The following KIF13B variants were observed in gnomAD, a reference collection of about 807,000 sequenced individuals.
KIF13B encodes the protein kinesin-like protein KIF13B.
A neutral mutation model predicts 222.0 loss-of-function variants in KIF13B; 127 were observed. That is an observed-to-expected ratio of 0.57 (90% CI 0.50 to 0.66). The LOEUF is 0.66. Ranked by LOEUF, KIF13B falls within the 30% of genes least tolerant of loss-of-function variation. The pLI, the probability that KIF13B is intolerant of heterozygous loss-of-function variation, is 0.00. For synonymous variants in KIF13B, 976 were observed against 919.0 expected (o/e 1.06, Z -1.12); for missense variants, 2,173 against 2,379.0 (o/e 0.91, Z 1.80).
At chr8:29,260,687 G>A (rs1816648387) in intron 1 of KIF13B, among the ~76,000 whole-genome samples, 1 of 151,856 alleles carries the variant, frequency 6.6e-6, no homozygotes, top group South Asian at 2.1e-4. Flanking sequence ...CACGATCTTG[G>A]CTCACTGCAA....
intron 12 of KIF13B, among the ~76,000 whole-genome samples, chr8:29,162,398 T>A (rs1042089439): frequency 6.6e-6 from 1 of 152,218 alleles, no homozygotes; most frequent in African/African-American, 2.4e-5. Flanking sequence ...TCCTGGGTCT[T>A]CAAATCAAGT....
chr8:29,164,053 C>T (rs182358578), intron 12 of KIF13B, among the ~76,000 whole-genome samples: 38 of 152,312 alleles, frequency 2.5e-4, no homozygotes, highest in African/African-American at 8.7e-4. Flanking sequence ...AAAAACAACA[C>T]TGGCCATATG....
intron 22 of KIF13B, 122 bp downstream of exon 22, chr8:29,133,918 A>C (rs978563435): frequency 3.2e-6 from 3 of 927,806 alleles, no homozygotes; most frequent in Non-Finnish European, 4.8e-6. Context: ...CAATCCCCAC[A>C]CTCTACAGAA....
At chr8:29,078,417 T>C (rs934337045) in intron 37 of KIF13B, among the ~76,000 whole-genome samples, 2 of 152,182 alleles carry the variant, frequency 1.3e-5, no homozygotes, top group Non-Finnish European at 1.5e-5. Context: ...AGCAACCTTT[T>C]TAAGGATGCC....
At chr8:29,252,021 G>A (rs1490551740) in intron 1 of KIF13B, among the ~76,000 whole-genome samples, 1 of 151,256 alleles carries the variant, frequency 6.6e-6, no homozygotes. Flanking sequence ...GGAAAAAAAA[G>A]GAAAAAGGAA....
At chr8:29,173,698 C>G (rs1316311286) in intron 10 of KIF13B, among the ~76,000 whole-genome samples, 1 of 151,780 alleles carries the variant, frequency 6.6e-6, no homozygotes, top group Non-Finnish European at 1.5e-5. Flanking sequence ...AATCCCGGCA[C>G]TTCAGGAGGC....
At chr8:29,211,450 G>T (rs1427148856) in intron 2 of KIF13B, among the ~76,000 whole-genome samples, 1 of 152,226 alleles carries the variant, frequency 6.6e-6, no homozygotes, top group African/African-American at 2.4e-5. Context: ...CCTGGCCCAG[G>T]CCAGAGCCTG....
intron 1 of KIF13B, among the ~76,000 whole-genome samples, chr8:29,253,619 A>T (rs1816360910): frequency 1.3e-5 from 2 of 151,978 alleles, no homozygotes; most frequent in African/African-American, 2.4e-5. Flanking sequence ...ACAGGTATTT[A>T]AAAAACTCAT....
chr8:29,076,249 G>A (rs529846833), intron 37 of KIF13B, among the ~76,000 whole-genome samples: 141 of 152,218 alleles, frequency 9.3e-4, no homozygotes, highest in African/African-American at 3.2e-3. Context: ...CCCCCTACCC[G>A]ACTGCAGGAA....
Position 29,262,466 on chromosome 8 carries a change from C to T in KIF13B, c.55+514G>A, listed in dbSNP as rs572349094. Among the ~76,000 whole-genome samples the T allele has an allele frequency of 4.8e-3, 737 of 152,302 alleles. 5 individuals are homozygous for T. The highest frequency in any genetic ancestry group is 0.017 in the African/African-American group (692 of 41,578). On this transcript the variant is annotated intron_variant, in intron 1 of 39. Coordinates refer to ENST00000524189, the MANE Select transcript of KIF13B (RefSeq NM_015254.4). ...CGCCGCGGGGCACCCGCCTGGCCCC[C>T]TGCCCTTCTTCCCGCCGCGGGCCAA...
intron 2 of KIF13B, among the ~76,000 whole-genome samples, chr8:29,208,422 A>C (rs975295490): frequency 1.3e-5 from 2 of 152,218 alleles, no homozygotes; most frequent in African/African-American, 4.8e-5. Flanking sequence ...AATAAAATGA[A>C]ATCTGTGGTC....
chr8:29,170,279 T>A (rs1423249322), intron 10 of KIF13B, among the ~76,000 whole-genome samples: 1 of 152,214 alleles, frequency 6.6e-6, no homozygotes, highest in Non-Finnish European at 1.5e-5. Flanking sequence ...TGAAGACATA[T>A]AATCCAATTA....
intron 6 of KIF13B, among the ~76,000 whole-genome samples, chr8:29,185,287 C>T (rs1478939363): frequency 2.0e-5 from 3 of 152,214 alleles, no homozygotes; most frequent in Non-Finnish European, 2.9e-5. Flanking sequence ...ACTCTGGAAT[C>T]TTCCCTTCTC....
Position 29,118,949 on chromosome 8 carries a change from A to G in KIF13B, c.3579T>C (p.Ala1193=). 1.9e-6 allele frequency: 3 copies of G among 1,613,952 alleles called. No individual in the cohort carries two copies. Among genetic ancestry groups the G allele is most frequent in the Non-Finnish European group, 2.5e-6 (3 of 1,179,836 alleles). ...SSQDNLDDPE[A]GGWDATLTGE... ...CAGTCAAGGTCGCATCCCATCCACC[A>G]GCTTCTGGGTCATCAAGATTATCCT... The change falls in exon 30 of 40, where the codon GCT becomes GCC. Residue 1193 remains alanine, a synonymous_variant. Transcript: ENST00000524189.
chr8:29,067,969 T>C lies in KIF13B; in HGVS notation c.*2535A>G, dbSNP rs1189162137. On this transcript the variant is annotated 3_prime_UTR_variant, in exon 40 of 40. Transcript: ENST00000524189. ...CTGGACGCAGTGCCCGGGGCAGAAG[T>C]GAGCCTTCTCACCCTGGAGCCTCAG... The C allele has an allele frequency of 6.6e-6, 1 of 152,278 alleles. No homozygotes were observed. Among genetic ancestry groups the C allele is most frequent in the Non-Finnish European group, 1.5e-5 (1 of 68,158 alleles). 9.4% of individuals were successfully genotyped at this position (152,278 alleles called of 1,614,324 possible).
intron 32 of KIF13B, among the ~76,000 whole-genome samples, chr8:29,112,738 G>A (rs1809415544): frequency 6.6e-6 from 1 of 152,136 alleles, no homozygotes; most frequent in African/African-American, 2.4e-5. Flanking sequence ...GCCCTGCAAG[G>A]GATGCCCCAT....
In KIF13B at chr8:29,245,628, T is replaced by A. The variant is rs577223911; in HGVS notation, c.56-189A>T. Among the ~76,000 whole-genome samples, 58 of 152,316 alleles carry A rather than the reference T, an allele frequency of 3.8e-4. 1 individual carries two copies. The highest frequency in any genetic ancestry group is 1.1e-3 in the African/African-American group (44 of 41,560). On this transcript the variant is annotated intron_variant, in intron 1 of 39. Coordinates refer to ENST00000524189, the MANE Select transcript of KIF13B (RefSeq NM_015254.4). ...AACCCACAGCTAACATCACACTTAA[T>A]GGTGAAGGACTGGGCAGCTTCCCAC...
chr8:29,105,700 C>T (rs1247783843), intron 35 of KIF13B, among the ~76,000 whole-genome samples: 1 of 120,116 alleles, frequency 8.3e-6, no homozygotes, highest in Non-Finnish European at 1.6e-5. Context: ...GCTCTGTCGC[C>T]CAGGCTGGAG....
chr8:29,188,695 G>T, intron 4 of KIF13B, 88 bp from the exon 5 acceptor site: 1 of 776,042 alleles, frequency 1.3e-6, no homozygotes, highest in Non-Finnish European at 2.1e-6. Flanking sequence ...TCTCAAAAAT[G>T]TATAATCTGC....
Sources: gnomAD v4.1 joint callset for allele counts (sites outside exome capture counted in the v4.1 genomes callset) on GRCh38, gnomAD v4.1.1 for gene constraint, MANE v1.5 for transcripts, NCBI Gene and HGNC (gene_info 2026-07-23, HGNC 2026-07-21) for gene names.